SHANK2: variants seen among roughly 807,000 people sequenced by gnomAD.
SHANK2 encodes the protein SH3 and multiple ankyrin repeat domains protein 2.
Under a neutral mutation model 133.7 loss-of-function variants are expected in SHANK2, and 43 were observed. The ratio of observed to expected loss-of-function variants is 0.32; its 90% CI spans 0.25 to 0.41. The LOEUF (loss-of-function observed/expected upper bound fraction) is 0.41. Among genes scored for constraint, SHANK2 ranks in the 10% least tolerant of loss-of-function variants. The pLI, the probability that SHANK2 is intolerant of heterozygous loss-of-function variation, is 1.00. For missense variants in SHANK2, 1,994 were observed against 2,235.8 expected, an observed-to-expected ratio of 0.89 and a Z score of 2.18; for synonymous variants, 1,017 against 952.8, an observed-to-expected ratio of 1.07 and a Z score of -1.24.
intron 17 of SHANK2, among the ~76,000 whole-genome samples, chr11:70,639,989 A>C (rs1048793454): frequency 6.6e-6 from 1 of 152,240 alleles, no homozygotes. Flanking sequence ...TCTGGGGCTC[A>C]GAGGGCTTTG....
chr11:70,667,347 T>A (rs1183414655), intron 15 of SHANK2, among the ~76,000 whole-genome samples: 6 of 152,184 alleles, frequency 3.9e-5, no homozygotes, highest in African/African-American at 1.4e-4. Context: ...GGTCCCACTG[T>A]ATGCTGCAAG....
intron 11 of SHANK2, among the ~76,000 whole-genome samples, chr11:70,880,065 T>A (rs1949635365): frequency 1.3e-5 from 2 of 152,204 alleles, no homozygotes. Context: ...GGGCCGGTGC[T>A]GTGCCTGCCA....
intron 14 of SHANK2, among the ~76,000 whole-genome samples, chr11:70,751,343 C>G (rs1235782922): frequency 2.0e-5 from 3 of 152,194 alleles, no homozygotes; most frequent in Admixed American, 6.5e-5. Context: ...GATTCCTCAT[C>G]AGAACTATGG....
In SHANK2 at chr11:70,804,263, C is replaced by T. The variant is rs551772256; in HGVS notation, c.1663+2739G>A. Among the ~76,000 whole-genome samples the T allele has an allele frequency of 4.4e-4, 67 of 152,312 alleles. No homozygotes were observed. Among genetic ancestry groups the T allele is most frequent in the African/African-American group, 1.3e-3 (52 of 41,578 alleles). On this transcript the variant is annotated intron_variant, in intron 13 of 25. Transcript: ENST00000601538. This position sits in a 1 kb window ranked among gnomAD's most constrained non-coding sequence, Gnocchi z 4.1. ...GCAGTGGATCGGCTCGACCCGCCCG[C>T]CTCTAAGCACTGCCATGCAGGCAGC...
At chr11:71,217,323 T>C (rs1037163530) in intron 2 of SHANK2, among the ~76,000 whole-genome samples, 3 of 151,778 alleles carry the variant, frequency 2.0e-5, no homozygotes, top group African/African-American at 7.3e-5. Context: ...CTGGCCAACA[T>C]GGAGAAACCC....
chr11:71,209,324 T>C (rs1275423716), intron 2 of SHANK2, among the ~76,000 whole-genome samples: 2 of 152,096 alleles, frequency 1.3e-5, no homozygotes, highest in Non-Finnish European at 2.9e-5. Context: ...AGTGGGCCAC[T>C]CCCGACACAG....
chr11:70,905,889 G>A (rs913910903), intron 10 of SHANK2, among the ~76,000 whole-genome samples: 2 of 148,950 alleles, frequency 1.3e-5, no homozygotes, highest in African/African-American at 2.5e-5. Context: ...TCCAGTCACT[G>A]CAGCCTCTGC....
At chr11:70,745,988 T>A (rs1241003520) in intron 14 of SHANK2, among the ~76,000 whole-genome samples, 2 of 152,208 alleles carry the variant, frequency 1.3e-5, no homozygotes, top group Admixed American at 6.5e-5. Flanking sequence ...AGCACATGCA[T>A]GCTGCACCCT....
intron 2 of SHANK2, among the ~76,000 whole-genome samples, chr11:71,202,605 G>A (rs1224036391): frequency 6.6e-6 from 1 of 152,150 alleles, no homozygotes; most frequent in Non-Finnish European, 1.5e-5. Context: ...GGTCGATGTT[G>A]GCCAGAATGA....
chr11:71,200,656 C>G (rs149983324), intron 2 of SHANK2, among the ~76,000 whole-genome samples: 4 of 152,218 alleles, frequency 2.6e-5, no homozygotes, highest in African/African-American at 7.2e-5. Flanking sequence ...TCTTCCTCAG[C>G]GGCAGCCACA....
intron 4 of SHANK2, among the ~76,000 whole-genome samples, chr11:71,114,571 A>G (rs1555099973): frequency 6.6e-6 from 1 of 152,202 alleles, no homozygotes; most frequent in Admixed American, 6.5e-5. Context: ...TGAAATCGGA[A>G]AGTTCTGTGA....
chr11:70,572,306 C>T (rs368003143), intron 17 of SHANK2, among the ~76,000 whole-genome samples: 1 of 152,184 alleles, frequency 6.6e-6, no homozygotes, highest in Admixed American at 6.5e-5. Context: ...ATTACAGGTC[C>T]CCACCACCAT....
intron 17 of SHANK2, among the ~76,000 whole-genome samples, chr11:70,621,852 G>A (rs916824387): frequency 4.6e-5 from 7 of 152,156 alleles, no homozygotes; most frequent in African/African-American, 1.7e-4. Flanking sequence ...AATGGCAGAG[G>A]TGATCAAGTG....
rs782503280 is a variant in SHANK2, at chr11:70,830,354, C to T, written c.1175-9672G>A. On this transcript the variant is annotated intron_variant, in intron 11 of 25. Transcript: ENST00000601538. The surrounding 1 kb of genome is among the most constrained non-coding windows in gnomAD (Gnocchi z 4.4). ...ATGTTCCGTGTGAGTGTTTGGGGTC[C>T]GGGCCCTCCCAGAAATCCACACTTG... 3.3e-5 allele frequency among the ~76,000 whole-genome samples: 5 copies of T among 152,048 alleles called. No homozygotes were observed. The highest frequency in any genetic ancestry group is 6.6e-5 in the Admixed American group (1 of 15,260).
intron 11 of SHANK2, among the ~76,000 whole-genome samples, chr11:70,866,041 C>T (rs1309887766): frequency 6.6e-6 from 1 of 152,194 alleles, no homozygotes; most frequent in Non-Finnish European, 1.5e-5. Flanking sequence ...TGGCTGTTCT[C>T]CAGGGTCCAT....
chr11:70,618,134 A>G (rs553299688), intron 17 of SHANK2, among the ~76,000 whole-genome samples: 77 of 152,128 alleles, frequency 5.1e-4, no homozygotes, highest in Admixed American at 1.0e-3. Flanking sequence ...CGTCTCTACT[A>G]AAAATACAAA....
At chr11:70,723,806 A>C (rs1174260414) in intron 14 of SHANK2, among the ~76,000 whole-genome samples, 2 of 152,192 alleles carry the variant, frequency 1.3e-5, no homozygotes, top group African/African-American at 4.8e-5. Flanking sequence ...GTAGAGAGGC[A>C]ATATGGGAGA....
chr11:71,181,310 C>T (rs1191247117), intron 2 of SHANK2, among the ~76,000 whole-genome samples: 3 of 152,110 alleles, frequency 2.0e-5, no homozygotes, highest in African/African-American at 7.2e-5. Flanking sequence ...AAAGAAGCCA[C>T]TGGGTAACAA....
chr11:71,079,713 T>C (rs1176636729), intron 8 of SHANK2, among the ~76,000 whole-genome samples: 1 of 146,136 alleles, frequency 6.8e-6, no homozygotes, highest in African/African-American at 2.6e-5. Context: ...TGAGCCAAGA[T>C]CACGCCACTG....
Sources: gnomAD v4.1 joint callset for allele counts (sites outside exome capture counted in the v4.1 genomes callset) on GRCh38, gnomAD v4.1.1 for gene constraint, Gnocchi (gnomAD v3.1) non-coding constraint, MANE v1.5 for transcripts, NCBI Gene and HGNC (gene_info 2026-07-23, HGNC 2026-07-21) for gene names.